Variants in ICAM1 observed in about 807,000 individuals in gnomAD.
ICAM1 encodes ICAM-1.
In ICAM1, 28 loss-of-function variants were observed where a neutral mutation model predicts 42.3. The observed-to-expected ratio is 0.66, with a 90% confidence interval of 0.49 to 0.91. ICAM1 has a LOEUF of 0.91. ICAM1 is among the 40% of genes least tolerant of loss of function. The pLI, the probability that ICAM1 is intolerant of heterozygous loss-of-function variation, is 0.00. For synonymous variants in ICAM1, 304 were observed against 305.9 expected, an observed-to-expected ratio of 0.99 and a Z score of 0.07; for missense variants, 637 against 688.6, an observed-to-expected ratio of 0.93 and a Z score of 0.84.
In ICAM1 at chr19:10,283,549, C is replaced by A. The variant is rs768846633; in HGVS notation, c.400C>A (p.Arg134Ser). 6 of 1,611,988 alleles carry A rather than the reference C, an allele frequency of 3.7e-6. No homozygotes were observed. In the Admixed American group the frequency reaches 6.7e-5, roughly 18 times the overall value. Residue 134 changes from arginine to serine, a missense_variant, in exon 3 of 7, where the codon CGC becomes AGC. Physicochemically the swap from Arg to Ser is moderately radical, Grantham distance 110 (BLOSUM62 -1). Transcript: ENST00000264832. ...GCCAGTGGGCAAGAACCTTACCCTA[C>A]GCTGCCAGGTGGAGGGTGGGGCACC... ...WQPVGKNLTLRCQVEGGAPRA... is the reference protein window; with the variant it reads ...WQPVGKNLTLSCQVEGGAPRA...
chr19:10,283,983 G>A, intron 3 of ICAM1, 50 bp from the exon 4 acceptor site: 1 of 1,572,172 alleles, frequency 6.4e-7, no homozygotes, highest in East Asian at 2.2e-5. Context: ...CCCAGAGAAG[G>A]GCTTCGGGAC....
At chr19:10,274,737 C>T (rs1167678069) in intron 1 of ICAM1, 28 bp from the exon 2 acceptor site, 1 of 1,605,140 alleles carries the variant, frequency 6.2e-7, no homozygotes, top group Non-Finnish European at 8.5e-7. Context: ...TTTGTAATGC[C>T]TGTCGCCTCT....
chr19:10,275,809 G>A (rs1312896859), intron 2 of ICAM1, among the ~76,000 whole-genome samples: 1 of 148,188 alleles, frequency 6.7e-6, no homozygotes, highest in Admixed American at 6.8e-5. Flanking sequence ...CCGGGTTCAC[G>A]CCATTCTCCT....
At chr19:10,272,638 C>T (rs1389367801) in intron 1 of ICAM1, among the ~76,000 whole-genome samples, 1 of 140,396 alleles carries the variant, frequency 7.1e-6, no homozygotes, top group Non-Finnish European at 1.5e-5. Flanking sequence ...GATCTCGGCT[C>T]ACTGCAACCT....
In ICAM1 at chr19:10,284,381, G is replaced by T. The variant is rs1425432605; in HGVS notation, c.926-22G>T. 6.2e-7 allele frequency: 1 copy of T among 1,611,836 alleles called. No individual in the cohort carries two copies. Among genetic ancestry groups the T allele is most frequent in the Admixed American group, 1.7e-5 (1 of 59,998 alleles). ...GGGTGTGACCTGAACCCGGGGCGGG[G>T]CTCACTGTGTGCCTATTCCAGGCTT... On this transcript the variant is annotated intron_variant, in intron 4 of 6. Coordinates refer to ENST00000264832, the MANE Select transcript of ICAM1 (RefSeq NM_000201.3). The surrounding 1 kb of genome is among the most constrained non-coding windows in gnomAD (Gnocchi z 5.4).
chr19:10,276,975 CA>C (rs536596915), intron 2 of ICAM1, among the ~76,000 whole-genome samples: 1,160 of 79,320 alleles, frequency 0.015, 9 homozygotes, highest in African/African-American at 0.049. Context: ...AACTCCATCT[CA>C]AAAAAAAAAA....
Position 10,284,878 on chromosome 19 carries a change from T to C in ICAM1, c.1276T>C (p.Leu426=). 2 of 1,595,058 alleles carry C rather than the reference T, an allele frequency of 1.3e-6. No individual in the cohort carries two copies. Among genetic ancestry groups the C allele is most frequent in the South Asian group, 2.3e-5 (2 of 88,630 alleles). The change falls in exon 6 of 7, where the codon TTG becomes CTG. Residue 426 remains leucine (L), a synonymous_variant. Transcript: ENST00000264832. The surrounding 1 kb of genome is among the most constrained non-coding windows in gnomAD (Gnocchi z 5.4). ...TPMCQAWGNP[L]PELKCLKDGT... The stretch of plus-strand genomic sequence containing the variant: ...AATGTGCCAGGCTTGGGGGAACCCA[T>C]TGCCCGAGCTCAAGTGTCTAAAGGA...
rs1419281488 is a variant in ICAM1 at position 10,284,121 on chromosome 19, G to A, written c.726G>A (p.Leu242=). The change falls in exon 4 of 7, where the codon CTG becomes CTA. Residue 242 remains leucine (L), a synonymous_variant. Transcript: ENST00000264832. This position sits in a 1 kb window ranked among gnomAD's most constrained non-coding sequence, Gnocchi z 5.4. ...QGTVVCSLDG[L]FPVSEAQVHL... ...CCGTGGTCTGTTCCCTGGACGGGCT[G>A]TTCCCAGTCTCGGAGGCCCAGGTCC... 11 of 1,613,982 alleles carry A rather than the reference G, an allele frequency of 6.8e-6. No individual in the cohort carries two copies. The highest frequency in any genetic ancestry group is 1.3e-5 in the African/African-American group (1 of 74,896).
At chr19:10,273,950 G>A (rs546277941) in intron 1 of ICAM1, among the ~76,000 whole-genome samples, 2 of 151,822 alleles carry the variant, frequency 1.3e-5, no homozygotes, top group African/African-American at 4.8e-5. Flanking sequence ...GGAGGCAAAG[G>A]TTGCAGTGAG....
Position 10,285,356 on chromosome 19 carries a change from A to G in ICAM1, c.*69A>G. The G allele has an allele frequency of 6.9e-7, 1 of 1,444,300 alleles. No homozygotes were observed. 89.5% of individuals were successfully genotyped at this position (1,444,300 alleles called of 1,614,324 possible). ...GTGGCAGTGGTGCCACACTGAACAG[A>G]GTGGAAGACATATGCCATGCAGCTA... On this transcript the variant is annotated 3_prime_UTR_variant, in exon 7 of 7. Coordinates refer to ENST00000264832, the MANE Select transcript of ICAM1 (RefSeq NM_000201.3).
chr19:10,275,820 G>A (rs2040012404), intron 2 of ICAM1, among the ~76,000 whole-genome samples: 1 of 148,604 alleles, frequency 6.7e-6, no homozygotes, highest in Non-Finnish European at 1.5e-5. Context: ...CCATTCTCCT[G>A]CCTCAGCCTC....
rs1568296159 is a variant in ICAM1, at chr19:10,285,275, C to T, written c.1587C>T (p.Ala529=). The T allele has an allele frequency of 1.2e-6, 2 of 1,613,968 alleles. No homozygotes were observed. Among genetic ancestry groups the T allele is most frequent in the Non-Finnish European group, 1.7e-6 (2 of 1,179,898 alleles). The change falls in exon 7 of 7, where the codon GCC becomes GCT. Residue 529 remains alanine, a synonymous_variant. Coordinates refer to ENST00000264832, the MANE Select transcript of ICAM1 (RefSeq NM_000201.3). ...KGTPMKPNTQ[A]TPP Reference sequence around the variant, plus strand: ...CCCCCATGAAACCGAACACACAAGCCACGCCTCCCTGAACCTATCCCGGGA... The same window carrying T: ...CCCCCATGAAACCGAACACACAAGCTACGCCTCCCTGAACCTATCCCGGGA...
intron 2 of ICAM1, among the ~76,000 whole-genome samples, chr19:10,281,062 A>G (rs2040053197): frequency 6.6e-6 from 1 of 151,046 alleles, no homozygotes; most frequent in South Asian, 2.1e-4. Context: ...TTTAGTAGAG[A>G]CGGGGTTTCA....
chr19:10,284,902 G>T lies in ICAM1; in HGVS notation c.1300G>T (p.Asp434Tyr). The change falls in exon 6 of 7, where the codon GAT becomes TAT. Residue 434 changes from aspartate to tyrosine, a missense_variant. Physicochemically the swap from Asp to Tyr is radical, Grantham distance 160. Transcript: ENST00000264832. The surrounding 1 kb of genome is among the most constrained non-coding windows in gnomAD (Gnocchi z 5.4). ...NPLPELKCLK[D>Y]GTFPLPIGES... ...ATTGCCCGAGCTCAAGTGTCTAAAG[G>T]ATGGCACTTTCCCACTGCCCATCGG... is the stretch of plus-strand genomic sequence containing the variant. 1 of 1,602,516 alleles carries T rather than the reference G, an allele frequency of 6.2e-7. No homozygotes were observed. The highest frequency in any genetic ancestry group is 8.5e-7 in the Non-Finnish European group (1 of 1,174,484).
chr19:10,280,034 G>A (rs1348628962), intron 2 of ICAM1, among the ~76,000 whole-genome samples: 5 of 152,206 alleles, frequency 3.3e-5, no homozygotes, highest in Non-Finnish European at 7.3e-5. Context: ...GGAAGCCAAT[G>A]AGCAGTTGGC....
At chr19:10,273,302 G>T (rs1404337825) in intron 1 of ICAM1, among the ~76,000 whole-genome samples, 1 of 152,012 alleles carries the variant, frequency 6.6e-6, no homozygotes, top group Non-Finnish European at 1.5e-5. Context: ...AGACCAGCCT[G>T]ACCAACATGG....
At position 10,283,677 on chromosome 19, in the gene ICAM1, G is replaced by C. The variant is rs934593597; in HGVS notation, c.528G>C (p.Arg176Ser). 1 of 1,613,940 alleles carries C rather than the reference G, an allele frequency of 6.2e-7. No individual in the cohort carries two copies. The highest frequency in any genetic ancestry group is 8.5e-7 in the Non-Finnish European group (1 of 1,179,896). The change falls in exon 3 of 7, where the codon AGG becomes AGC. Residue 176 changes from arginine to serine, a missense_variant. Coordinates refer to ENST00000264832, the MANE Select transcript of ICAM1 (RefSeq NM_000201.3). ...AGGTCACGACCACGGTGCTGGTGAG[G>C]AGAGATCACCATGGAGCCAATTTCT... is the stretch of plus-strand genomic sequence containing the variant. ...PAEVTTTVLV[R>S]RDHHGANFSC... is the part of the protein sequence containing the mutation.
intron 2 of ICAM1, among the ~76,000 whole-genome samples, chr19:10,280,332 T>C (rs2040047423): frequency 6.6e-6 from 1 of 151,966 alleles, no homozygotes; most frequent in Non-Finnish European, 1.5e-5. Flanking sequence ...TATATATATA[T>C]ATTTTTTTGT....
chr19:10,279,993 AG>A (rs2040044242), intron 2 of ICAM1, among the ~76,000 whole-genome samples: 2 of 152,142 alleles, frequency 1.3e-5, no homozygotes, highest in Non-Finnish European at 2.9e-5. Flanking sequence ...TGAGCAGGCC[AG>A]GGATTAGATA....
Sources: gnomAD v4.1 joint callset for allele counts (sites outside exome capture counted in the v4.1 genomes callset) on GRCh38, gnomAD v4.1.1 for gene constraint, Gnocchi (gnomAD v3.1) non-coding constraint, MANE v1.5 for transcripts, NCBI Gene and HGNC (gene_info 2026-07-23, HGNC 2026-07-21) for gene names.